Variants in MEI4 observed in about 807,000 individuals in gnomAD.
MEI4 encodes meiotic double-stranded break formation protein 4.
In MEI4, 27 loss-of-function variants were observed where a neutral mutation model predicts 31.4. The observed-to-expected ratio is 0.86, with a 90% CI of 0.63 to 1.19. The LOEUF is 1.19. Ranked by LOEUF, MEI4 falls within the 50% of genes most tolerant of loss-of-function variation. The pLI, the probability that MEI4 is intolerant of heterozygous loss-of-function variation, is 0.00. For missense variants in MEI4, 329 were observed against 398.9 expected (o/e 0.82, Z 1.49); for synonymous variants, 122 against 145.4 (o/e 0.84, Z 1.16).
intron 2 of MEI4, among the ~76,000 whole-genome samples, chr6:77,706,325 CAGAG>C (rs1387710712): frequency 2.0e-5 from 3 of 152,160 alleles, no homozygotes; most frequent in Non-Finnish European, 2.9e-5. Flanking sequence ...GAGTGCCACA[CAGAG>C]AGGCCAGGAA....
At chr6:77,775,352 G>T (rs962841586) in intron 3 of MEI4, among the ~76,000 whole-genome samples, 2 of 151,512 alleles carry the variant, frequency 1.3e-5, no homozygotes, top group African/African-American at 4.8e-5. Context: ...CCTTTCCCCC[G>T]AGTCCCCAAA....
chr6:77,845,603 A>G (rs1003968231), intron 4 of MEI4, among the ~76,000 whole-genome samples: 2 of 151,968 alleles, frequency 1.3e-5, no homozygotes, highest in Non-Finnish European at 2.9e-5. Flanking sequence ...TTTTCTTTTT[A>G]TTTGGGATAT....
intron 2 of MEI4, among the ~76,000 whole-genome samples, chr6:77,715,273 G>A (rs1490147927): frequency 2.0e-5 from 3 of 152,076 alleles, no homozygotes; most frequent in East Asian, 1.9e-4. Flanking sequence ...ATGGATGAAC[G>A]ATAATACTAA....
At chr6:77,694,078 TTTTC>T (rs957851571) in intron 2 of MEI4, among the ~76,000 whole-genome samples, 14 of 151,956 alleles carry the variant, frequency 9.2e-5, no homozygotes, top group African/African-American at 2.2e-4. Flanking sequence ...ATGATATGCT[TTTTC>T]TTTCTTTCTT....
chr6:77,736,164 G>T (rs1339965524), intron 2 of MEI4, among the ~76,000 whole-genome samples: 1 of 152,200 alleles, frequency 6.6e-6, no homozygotes, highest in South Asian at 2.1e-4. Context: ...GGCTCCACCG[G>T]GTTCGAGCTT....
chr6:77,788,700 T>C (rs375080650), intron 3 of MEI4, among the ~76,000 whole-genome samples: 9 of 151,956 alleles, frequency 5.9e-5, no homozygotes, highest in East Asian at 3.9e-4. Context: ...TTACAAGGTA[T>C]GTGAAAGACC....
At chr6:77,802,782 G>A (rs910596776) in intron 3 of MEI4, among the ~76,000 whole-genome samples, 1 of 152,190 alleles carries the variant, frequency 6.6e-6, no homozygotes, top group Non-Finnish European at 1.5e-5. Flanking sequence ...TTTTCTTTAA[G>A]AATGTTGAAT....
chr6:77,809,611 T>C (rs1769525106), intron 3 of MEI4, among the ~76,000 whole-genome samples: 1 of 152,174 alleles, frequency 6.6e-6, no homozygotes, highest in Non-Finnish European at 1.5e-5. Context: ...ATGGAGCTCA[T>C]AGAGGCCAGG....
Position 77,825,300 on chromosome 6 carries a change from C to T in MEI4, c.769-3631C>T, listed in dbSNP as rs74832282. On this transcript the variant is annotated intron_variant, in intron 3 of 4. Transcript: ENST00000684080. ...CCCCAATGATAAGGAAGTGAAATTC[C>T]GTTTATTAAGCAGTTGCCTTTGAGA... Among the ~76,000 whole-genome samples the T allele has an allele frequency of 5.3e-3, 808 of 152,156 alleles. 5 individuals carry two copies. Among genetic ancestry groups the T allele is most frequent in the African/African-American group, 0.018 (750 of 41,500 alleles).
intron 2 of MEI4, among the ~76,000 whole-genome samples, chr6:77,739,521 A>G (rs1223352604): frequency 6.6e-6 from 1 of 152,194 alleles, no homozygotes; most frequent in East Asian, 1.9e-4. Flanking sequence ...AAGTTGAACA[A>G]TGAGAACCTG....
intron 3 of MEI4, among the ~76,000 whole-genome samples, chr6:77,765,379 T>G (rs1379620894): frequency 1.3e-5 from 2 of 151,668 alleles, no homozygotes; most frequent in African/African-American, 4.9e-5. Flanking sequence ...TATACCCTCA[T>G]AAACTTAAAT....
At chr6:77,922,513 GTGACT>G (rs776087364) in intron 4 of MEI4, among the ~76,000 whole-genome samples, 31 of 151,680 alleles carry the variant, frequency 2.0e-4, no homozygotes, top group Middle Eastern at 3.4e-3. Context: ...AGGCCTTTCT[GTGACT>G]TGACTTATCT....
chr6:77,839,910 T>C (rs1334940575), intron 4 of MEI4, among the ~76,000 whole-genome samples: 1 of 152,092 alleles, frequency 6.6e-6, no homozygotes, highest in Non-Finnish European at 1.5e-5. Flanking sequence ...ATCAGAAAAA[T>C]GTTGACCCAG....
chr6:77,802,041 C>T (rs1386199062), intron 3 of MEI4, among the ~76,000 whole-genome samples: 3 of 152,016 alleles, frequency 2.0e-5, no homozygotes, highest in Middle Eastern at 3.2e-3. Flanking sequence ...CTTTCTGTCT[C>T]GTTGATCTGT....
intron 1 of MEI4, among the ~76,000 whole-genome samples, chr6:77,677,420 G>A (rs114383238): frequency 2.0e-5 from 3 of 152,134 alleles, no homozygotes; most frequent in Admixed American, 6.5e-5. Flanking sequence ...TATTATCACC[G>A]TCTAGATAGT....
chr6:77,865,245 AG>A (rs1770990306), intron 4 of MEI4, among the ~76,000 whole-genome samples: 1 of 152,226 alleles, frequency 6.6e-6, no homozygotes. Flanking sequence ...GCAGAACTGA[AG>A]GAGATAGAGA....
At chr6:77,672,693 C>T (rs1768767985) in intron 1 of MEI4, among the ~76,000 whole-genome samples, 1 of 152,160 alleles carries the variant, frequency 6.6e-6, no homozygotes, top group Non-Finnish European at 1.5e-5. Context: ...GTGTGCACCA[C>T]CACGCCTGGC....
At chr6:77,707,953 C>A (rs1357514321) in intron 2 of MEI4, among the ~76,000 whole-genome samples, 13 of 152,204 alleles carry the variant, frequency 8.5e-5, no homozygotes, top group Admixed American at 8.5e-4. Flanking sequence ...CTTGGGTACC[C>A]AGCCAGAAGC....
intron 1 of MEI4, among the ~76,000 whole-genome samples, chr6:77,669,244 C>T (rs577333695): frequency 6.6e-6 from 1 of 152,188 alleles, no homozygotes; most frequent in Non-Finnish European, 1.5e-5. Flanking sequence ...TGCGTACATA[C>T]ACATGTACAC....
Sources: allele counts gnomAD v4.1 joint callset (sites outside exome capture counted in the v4.1 genomes callset), GRCh38; gene constraint gnomAD v4.1.1; transcripts MANE v1.5; gene names NCBI Gene and HGNC (gene_info 2026-07-23, HGNC 2026-07-21).